Variants in GARRE1 observed in about 807,000 individuals in gnomAD.
GARRE1 encodes the protein granule associated Rac and RHOG effector protein 1.
GARRE1 carries 49 observed loss-of-function variants against 103.2 expected under a neutral mutation model. That is an observed-to-expected ratio of 0.47 (90% CI 0.38 to 0.60). GARRE1 has a LOEUF of 0.60. GARRE1 is among the 20% of genes least tolerant of loss of function. The pLI, the probability that GARRE1 is intolerant of heterozygous loss-of-function variation, is 0.00. For missense variants in GARRE1, 1,199 were observed against 1,370.5 expected, an observed-to-expected ratio of 0.87 and a Z score of 1.98; for synonymous variants, 505 against 532.8, an observed-to-expected ratio of 0.95 and a Z score of 0.72.
At chr19:34,346,110 A>C (rs1457547399) in intron 10 of GARRE1, among the ~76,000 whole-genome samples, 1 of 152,194 alleles carries the variant, frequency 6.6e-6, no homozygotes, top group Non-Finnish European at 1.5e-5. Context: ...GGGGAACGGG[A>C]GACAGGCCAG....
At chr19:34,285,497 C>T (rs1180198795) in intron 1 of GARRE1, among the ~76,000 whole-genome samples, 2 of 151,920 alleles carry the variant, frequency 1.3e-5, no homozygotes, top group South Asian at 2.1e-4. Context: ...GTATCGGGCA[C>T]CTGTAATGCC....
At chr19:34,305,153 A>G in intron 2 of GARRE1, among the ~76,000 whole-genome samples, 1 of 152,228 alleles carries the variant, frequency 6.6e-6, no homozygotes, top group South Asian at 2.1e-4. Flanking sequence ...ACTTCTCAAA[A>G]GAAACGTAAG....
At chr19:34,271,225 G>C (rs1343410872) in intron 1 of GARRE1, among the ~76,000 whole-genome samples, 1 of 149,202 alleles carries the variant, frequency 6.7e-6, no homozygotes, top group African/African-American at 2.5e-5. Flanking sequence ...TAGTGTTCAG[G>C]TATACCTTCT....
At chr19:34,351,659 T>C (rs967826829) in intron 13 of GARRE1, 67 bp downstream of exon 13, 2 of 1,079,904 alleles carry the variant, frequency 1.9e-6, no homozygotes, top group Non-Finnish European at 2.8e-6. Context: ...TCAGAGGGCC[T>C]CAAAGTAATG....
Position 34,323,023 on chromosome 19 carries a change from C to CTTTTTTT in GARRE1, c.705+2928_705+2934dup, listed in dbSNP as rs71165649. Among the ~76,000 whole-genome samples, 81 of 66,696 alleles carry CTTTTTTT rather than the reference C, an allele frequency of 1.2e-3. 3 individuals carry two copies. The highest frequency in any genetic ancestry group is 3.8e-3 in the African/African-American group (67 of 17,600). The allele number at this position is 66,696 out of a possible 152,430, so 43.8% of individuals were successfully genotyped here. The stretch of plus-strand genomic sequence containing the variant: ...ATTAACTTGGCAAAGTATTTCTTTT[C>CTTTTTTT]TTTTTTTTTTTTTTTTTTTTTTTTT... On this transcript the variant is annotated intron_variant, in intron 3 of 13. Transcript: ENST00000299505.
At chr19:34,268,769 T>G (rs1042049364) in intron 1 of GARRE1, among the ~76,000 whole-genome samples, 2 of 152,272 alleles carry the variant, frequency 1.3e-5, no homozygotes, top group African/African-American at 4.8e-5. Flanking sequence ...GAGACTGGCC[T>G]GGGCAACACA....
Position 34,352,704 on chromosome 19 carries a change from C to A in GARRE1, c.2962C>A (p.Pro988Thr), listed in dbSNP as rs1428500130. 6.2e-7 allele frequency: 1 copy of A among 1,614,058 alleles called. No individual in the cohort carries two copies. Among genetic ancestry groups the A allele is most frequent in the Non-Finnish European group, 8.5e-7 (1 of 1,179,962 alleles). Residue 988 changes from proline to threonine, a missense_variant, in exon 14 of 14, where the codon CCC becomes ACC. By Grantham distance (38) the Pro-to-Thr change is conservative. Coordinates refer to ENST00000299505, the MANE Select transcript of GARRE1 (RefSeq NM_014686.5). ...KAPWQHPSPL[P>T]STLPSPSAPL... ...ACCCTGGCAGCACCCTTCCCCGCTT[C>A]CCAGCACGCTGCCCAGCCCCAGCGC...
At chr19:34,290,203 A>G (rs979976983) in intron 1 of GARRE1, among the ~76,000 whole-genome samples, 1 of 151,948 alleles carries the variant, frequency 6.6e-6, no homozygotes, top group African/African-American at 2.4e-5. Flanking sequence ...AAAAAATACA[A>G]AAATTAACTG....
In GARRE1 at chr19:34,341,706, T is replaced by A. The variant is rs765708410; in HGVS notation, c.1772T>A (p.Ile591Asn). 2 of 1,614,092 alleles carry A rather than the reference T, an allele frequency of 1.2e-6. No individual in the cohort carries two copies. The highest frequency in any genetic ancestry group is 2.7e-5 in the African/African-American group (2 of 74,934). ...AATATTGATACAAGGTTACAAAGCA[T>A]TTTGAACATTGGTAATTTCCCCAGG... ...PGNIDTRLQS[I>N]LNIGNFPRTT... is the part of the protein sequence containing the mutation. Residue 591 changes from isoleucine to asparagine, a missense_variant, in exon 10 of 14, where the codon ATT becomes AAT. Physicochemically the swap from Ile to Asn is moderately radical, Grantham distance 149. Coordinates refer to ENST00000299505, the MANE Select transcript of GARRE1 (RefSeq NM_014686.5).
At position 34,353,930 on chromosome 19, in the gene GARRE1, A is replaced by C. The variant is rs1568316201; in HGVS notation, c.*975A>C. On this transcript the variant is annotated 3_prime_UTR_variant, in exon 14 of 14. Coordinates refer to ENST00000299505, the MANE Select transcript of GARRE1 (RefSeq NM_014686.5). ...TTAATTTAAGGTCTTTTCTTAAAAA[A>C]AAAATCCACCTCATTTTCAGTTAAC... 6.6e-6 allele frequency: 1 copy of C among 152,660 alleles called. No homozygotes were observed. Among genetic ancestry groups the C allele is most frequent in the Non-Finnish European group, 1.5e-5 (1 of 68,050 alleles). 9.5% of individuals were successfully genotyped at this position (152,660 alleles called of 1,614,324 possible). A position where few individuals can be genotyped will look rare whatever the true frequency, so the allele number is the denominator to read the frequency against.
In GARRE1 at chr19:34,300,536, G is replaced by T. The variant is rs779987848; in HGVS notation, c.63G>T (p.Gly21=). 3 of 1,613,416 alleles carry T rather than the reference G, an allele frequency of 1.9e-6. No homozygotes were observed. In the East Asian group the frequency reaches 6.7e-5, roughly 36 times the overall value. Residue 21 remains glycine (G), a synonymous_variant, in exon 2 of 14, where the codon GGG becomes GGT. Transcript: ENST00000299505. ...MDYKRRFLLG[G]SKQKVQQHQQ... The stretch of plus-strand genomic sequence containing the variant: ...ACAAGCGGCGCTTCCTGCTTGGCGG[G>T]TCCAAGCAGAAGGTGCAGCAGCACC...
intron 1 of GARRE1, among the ~76,000 whole-genome samples, chr19:34,260,650 TA>T (rs2073712022): frequency 6.6e-6 from 1 of 152,200 alleles, no homozygotes; most frequent in Non-Finnish European, 1.5e-5. Context: ...CGTTTAGCAT[TA>T]ATGAAGTATT....
chr19:34,256,066 T>C (rs1296333759), intron 1 of GARRE1, among the ~76,000 whole-genome samples: 2 of 151,964 alleles, frequency 1.3e-5, no homozygotes, highest in East Asian at 3.9e-4. Flanking sequence ...CTCGAACTCC[T>C]GACCTCAGGT....
At chr19:34,326,937 C>T (rs2074114623) in intron 3 of GARRE1, among the ~76,000 whole-genome samples, 1 of 151,994 alleles carries the variant, frequency 6.6e-6, no homozygotes, top group Non-Finnish European at 1.5e-5. Context: ...GGTGGATCAC[C>T]TGAGGTCAGG....
In GARRE1 at chr19:34,353,877, GACAA is replaced by G. The variant is rs2074254927; in HGVS notation, c.*925_*928del. On this transcript the variant is annotated 3_prime_UTR_variant, in exon 14 of 14. Transcript: ENST00000299505. ...ATTGACATTGTGAGCTGGCTCAGAA[GACAA>G]ACCAATTAAGATGTAGATAGAAATT... The G allele has an allele frequency of 6.6e-6, 1 of 152,448 alleles. No homozygotes were observed. The highest frequency in any genetic ancestry group is 2.4e-5 in the African/African-American group (1 of 41,406). The allele number at this position is 152,448 out of a possible 1,614,324, so 9.4% of individuals were successfully genotyped here. A position where few individuals can be genotyped will look rare whatever the true frequency, so the allele number is the denominator to read the frequency against.
intron 1 of GARRE1, among the ~76,000 whole-genome samples, chr19:34,292,956 G>A (rs1032138977): frequency 6.6e-6 from 1 of 151,856 alleles, no homozygotes; most frequent in African/African-American, 2.4e-5. Flanking sequence ...TGATCCTCCC[G>A]CCTCTGCCTC....
intron 1 of GARRE1, among the ~76,000 whole-genome samples, chr19:34,280,906 TA>T: frequency 6.6e-6 from 1 of 152,066 alleles, no homozygotes; most frequent in East Asian, 1.9e-4. Flanking sequence ...GGGCATTCAT[TA>T]CAATTAAGAT....
In GARRE1 at chr19:34,353,376, C is replaced by A; in HGVS notation, c.*421C>A. 1 of 195,752 alleles carries A rather than the reference C, an allele frequency of 5.1e-6. No individual in the cohort carries two copies. The highest frequency in any genetic ancestry group is 1.0e-5 in the Non-Finnish European group (1 of 96,480). The allele number at this position is 195,752 out of a possible 1,614,324, so 12.1% of individuals were successfully genotyped here. Reference sequence around the variant, plus strand: ...TTTTTTGGAAACCCTCTCCTCCCTCCTCCACACCTTGAGTGATGACCACAC... The same window carrying A: ...TTTTTTGGAAACCCTCTCCTCCCTCATCCACACCTTGAGTGATGACCACAC... On this transcript the variant is annotated 3_prime_UTR_variant, in exon 14 of 14. Transcript: ENST00000299505.
chr19:34,301,972 T>C (rs1330587501), intron 2 of GARRE1, among the ~76,000 whole-genome samples: 17 of 131,004 alleles, frequency 1.3e-4, no homozygotes, highest in South Asian at 2.6e-4. Flanking sequence ...TGTGAGCCAC[T>C]GCGCCCAGCC....
Sources: allele counts gnomAD v4.1 joint callset (sites outside exome capture counted in the v4.1 genomes callset), GRCh38; gene constraint gnomAD v4.1.1; transcripts MANE v1.5; gene names NCBI Gene and HGNC (gene_info 2026-07-23, HGNC 2026-07-21).